Variants in KBTBD4 observed in about 807,000 individuals in gnomAD.
The protein encoded by KBTBD4 is kelch repeat and BTB domain containing 4.
Under a neutral mutation model 43.9 loss-of-function variants are expected in KBTBD4, and 30 were observed. The ratio of observed to expected loss-of-function variants is 0.68; its 90% CI spans 0.51 to 0.93. The LOEUF (loss-of-function observed/expected upper bound fraction) is 0.93. Ranked by LOEUF, KBTBD4 falls within the 40% of genes least tolerant of loss-of-function variation. The probability of loss-of-function intolerance (pLI) is 0.00; values close to 1 mark genes in which losing one functional copy is unlikely to be tolerated. For missense variants in KBTBD4, 575 were observed against 668.8 expected, an observed-to-expected ratio of 0.86 and a Z score of 1.55; for synonymous variants, 258 against 256.9, an observed-to-expected ratio of 1.00 and a Z score of -0.04.
chr11:47,572,871 C>CT lies in KBTBD4; in HGVS notation c.*58dup. 1 of 1,553,096 alleles carries CT rather than the reference C, an allele frequency of 6.4e-7. No individual in the cohort carries two copies. Among genetic ancestry groups the CT allele is most frequent in the Non-Finnish European group, 8.7e-7 (1 of 1,147,418 alleles). ...TAACTCTGAATTGGGGCCCAGGGGA[C>CT]TTTGAGTTTGTATGGGGAGGGAAAA... On this transcript the variant is annotated 3_prime_UTR_variant, in exon 4 of 4. Coordinates refer to ENST00000430070, the MANE Select transcript of KBTBD4 (RefSeq NM_018095.6).
At chr11:47,576,003 C>T (rs1320311998) in intron 2 of KBTBD4, among the ~76,000 whole-genome samples, 1 of 151,756 alleles carries the variant, frequency 6.6e-6, no homozygotes, top group Non-Finnish European at 1.5e-5. Flanking sequence ...CAGGTGTGCA[C>T]CACCACGCCT....
At position 47,573,614 on chromosome 11, in the gene KBTBD4, T is replaced by G. The variant is rs1359123957; in HGVS notation, c.921A>C (p.Gly307=). The G allele has an allele frequency of 1.2e-6, 2 of 1,613,924 alleles. No individual in the cohort carries two copies. Among genetic ancestry groups the G allele is most frequent in the Non-Finnish European group, 1.7e-6 (2 of 1,180,018 alleles). The change falls in exon 4 of 4, where the codon GGA becomes GGC. Residue 307 remains glycine, a synonymous_variant. Coordinates refer to ENST00000430070, the MANE Select transcript of KBTBD4 (RefSeq NM_018095.6). This position sits in a 1 kb window ranked among gnomAD's most constrained non-coding sequence, Gnocchi z 4.1. The part of the protein sequence containing the change: ...CKHGGDLYVV[G]GSIPRRMWKC... ...TCCACATGCGCCGTGGGATGGACCC[T>G]CCCACCACATACAAGTCTCCACCAT...
chr11:47,577,731 T>A lies in KBTBD4; in HGVS notation c.317A>T (p.Asp106Val). 6.2e-7 allele frequency: 1 copy of A among 1,614,172 alleles called. No homozygotes were observed. The highest frequency in any genetic ancestry group is 8.5e-7 in the Non-Finnish European group (1 of 1,180,034). The change falls in exon 2 of 4, where the codon GAT (aspartate) becomes GTT (valine). Residue 106 changes from aspartate to valine, a missense_variant. Coordinates refer to ENST00000430070, the MANE Select transcript of KBTBD4 (RefSeq NM_018095.6). ...EAHNRVIVLQ[D>V]VSESVFQLLV... ...GAGCTGGAAAACAGACTCGCTGACA[T>A]CCTGCAGCACAATCACCCGGTTGTG... is the stretch of plus-strand genomic sequence containing the variant.
In KBTBD4 at chr11:47,575,624, G is replaced by C. The variant is rs1228585017; in HGVS notation, c.713C>G (p.Ala238Gly). Residue 238 changes from alanine (A) to glycine (G), a missense_variant, in exon 3 of 4, where the codon GCT (alanine) becomes GGT (glycine). By Grantham distance (60) the Ala-to-Gly change is moderately conservative. Transcript: ENST00000430070. ...GCTTGTCCTGAGTGACTCTGCAAAA[G>C]CCTCTCTTTCCTCTTTATTAAAGTT... ...WINFNKEERE[A>G]FAESLRTSLK... The C allele has an allele frequency of 1.2e-6, 2 of 1,613,110 alleles. No homozygotes were observed. Among genetic ancestry groups the C allele is most frequent in the African/African-American group, 1.3e-5 (1 of 74,820 alleles).
At position 47,577,794 on chromosome 11, in the gene KBTBD4, A is replaced by C. The variant is rs201795704; in HGVS notation, c.254T>G (p.Phe85Cys). 1.3e-5 allele frequency: 21 copies of C among 1,614,196 alleles called. No homozygotes were observed. Among genetic ancestry groups the C allele is most frequent in the Admixed American group, 3.3e-5 (2 of 60,022 alleles). ...HRLVLSAQSCFFRSMFTSNLK... is the reference protein window; with the variant it reads ...HRLVLSAQSCCFRSMFTSNLK... ...GTTGGAAGTGAACATGGATCGGAAGAAGCAGCTCTGAGCTGAGAGGACCAG... is the reference window on the plus strand; with the variant it reads ...GTTGGAAGTGAACATGGATCGGAAGCAGCAGCTCTGAGCTGAGAGGACCAG... The change falls in exon 2 of 4, where the codon TTC (phenylalanine) becomes TGC (cysteine). Residue 85 changes from phenylalanine (F) to cysteine (C), a missense_variant. Coordinates refer to ENST00000430070, the MANE Select transcript of KBTBD4 (RefSeq NM_018095.6).
rs1302892977 is a variant in KBTBD4, at chr11:47,573,911, A to T, written c.745-121T>A. 1 of 903,544 alleles carries T rather than the reference A, an allele frequency of 1.1e-6. No individual in the cohort carries two copies. The highest frequency in any genetic ancestry group is 1.7e-6 in the Non-Finnish European group (1 of 598,326). 56.0% of individuals were successfully genotyped at this position (903,544 alleles called of 1,614,324 possible). A position where few individuals can be genotyped will look rare whatever the true frequency, so the allele number is the denominator to read the frequency against. On this transcript the variant is annotated intron_variant, in intron 3 of 3. Transcript: ENST00000430070. The surrounding 1 kb of genome is among the most constrained non-coding windows in gnomAD (Gnocchi z 4.1). ...TCCTAGCTTTATCATACTACTCTCT[A>T]ATTACTGTATGGCATCCAACTCTCC...
At position 47,578,937 on chromosome 11, in the gene KBTBD4, G is replaced by C. The variant is rs765565272; in HGVS notation, c.15C>G (p.Asn5Lys). Residue 5 changes from asparagine (N) to lysine (K), a missense_variant, in exon 1 of 4, where the codon AAC (asparagine) becomes AAG (lysine). Transcript: ENST00000430070. ...CTGCCTGTCTCGCTTTCTCACCTGC[G>C]TTCCCTCCTTTCATCCCGGAGCCCG... MKGG[N>K]ADSWQREKLA... The C allele has an allele frequency of 2.6e-6, 4 of 1,551,756 alleles. No homozygotes were observed. Among genetic ancestry groups the C allele is most frequent in the East Asian group, 2.4e-5 (1 of 40,920 alleles).
In KBTBD4 at chr11:47,577,897, T is replaced by G; in HGVS notation, c.151A>C (p.Met51Leu). ...AGCTCCTCCTCTAGACACAGTTTCATGATGCCTTGAGCCACACGGCCTGAA... is the reference window on the plus strand; with the variant it reads ...AGCTCCTCCTCTAGACACAGTTTCAGGATGCCTTGAGCCACACGGCCTGAA... ...SHSGRVAQGI[M>L]KLCLEEELFA... is the part of the protein sequence containing the mutation. Residue 51 changes from methionine to leucine, a missense_variant, in exon 2 of 4, where the codon ATG becomes CTG. By Grantham distance (15) the Met-to-Leu change is conservative. Transcript: ENST00000430070. 6.2e-7 allele frequency: 1 copy of G among 1,614,222 alleles called. No individual in the cohort carries two copies. The highest frequency in any genetic ancestry group is 8.5e-7 in the Non-Finnish European group (1 of 1,180,042).
rs557778923 is a variant in KBTBD4, at chr11:47,572,851, C to T, written c.*79G>A. 4.1e-6 allele frequency: 6 copies of T among 1,475,942 alleles called. No individual in the cohort carries two copies. In the Admixed American group the frequency reaches 1.3e-4, roughly 31 times the overall value. The allele number at this position is 1,475,942 out of a possible 1,614,324, so 91.4% of individuals were successfully genotyped here. ...AGTATGTGCCAAAAAAAACATAACT[C>T]TGAATTGGGGCCCAGGGGACTTTGA... On this transcript the variant is annotated 3_prime_UTR_variant, in exon 4 of 4. Coordinates refer to ENST00000430070, the MANE Select transcript of KBTBD4 (RefSeq NM_018095.6).
Position 47,573,717 on chromosome 11 carries a change from A to G in KBTBD4, c.818T>C (p.Leu273Ser), listed in dbSNP as rs965703669. The G allele has an allele frequency of 1.9e-6, 3 of 1,603,734 alleles. No homozygotes were observed. Among genetic ancestry groups the G allele is most frequent in the Non-Finnish European group, 2.5e-6 (3 of 1,177,790 alleles). The change falls in exon 4 of 4, where the codon TTG becomes TCG. Residue 273 changes from leucine (L) to serine (S), a missense_variant. Coordinates refer to ENST00000430070, the MANE Select transcript of KBTBD4 (RefSeq NM_018095.6). This position sits in a 1 kb window ranked among gnomAD's most constrained non-coding sequence, Gnocchi z 4.1. ...SSRTHSLAVS[L>S]HCAEDDSISV... ...GATGGAGTCATCTTCTGCACAGTGC[A>G]AGGACACAGCCAACGAGTGGGTACG...
At chr11:47,578,426 G>C in intron 1 of KBTBD4, 1 of 569,070 alleles carries the variant, frequency 1.8e-6, no homozygotes, top group Non-Finnish European at 3.1e-6. Context: ...AGGGGCAGTA[G>C]AATCAGACAA....
In KBTBD4 at chr11:47,572,942, A is replaced by G; in HGVS notation, c.1593T>C (p.Phe531=). ...CCTCCCCACAGCCTTAGGCCAACAC[A>G]AACTGCAAATTGGTAAGCAGCACCT... The part of the protein sequence containing the change: ...GIKVLLTNLQ[F]VLA Residue 531 remains phenylalanine, a synonymous_variant, in exon 4 of 4, where the codon TTT becomes TTC. Coordinates refer to ENST00000430070, the MANE Select transcript of KBTBD4 (RefSeq NM_018095.6). The G allele has an allele frequency of 6.2e-7, 1 of 1,613,562 alleles. No individual in the cohort carries two copies. Among genetic ancestry groups the G allele is most frequent in the Non-Finnish European group, 8.5e-7 (1 of 1,179,576 alleles).
rs1202140915 is a variant in KBTBD4 at position 47,572,782 on chromosome 11, A to G, written c.*148T>C. On this transcript the variant is annotated 3_prime_UTR_variant, in exon 4 of 4. Coordinates refer to ENST00000430070, the MANE Select transcript of KBTBD4 (RefSeq NM_018095.6). Reference sequence around the variant, plus strand: ...CAGCAGTCTAAAAAGCCCCAAACAGAACACCTCCATGGATTCAGGGAAGGG... The same window carrying G: ...CAGCAGTCTAAAAAGCCCCAAACAGGACACCTCCATGGATTCAGGGAAGGG... 1.2e-6 allele frequency: 1 copy of G among 830,734 alleles called. No individual in the cohort carries two copies. Among genetic ancestry groups the G allele is most frequent in the Admixed American group, 2.9e-5 (1 of 34,462 alleles). 51.5% of individuals were successfully genotyped at this position (830,734 alleles called of 1,614,324 possible). A position where few individuals can be genotyped will look rare whatever the true frequency, so the allele number is the denominator to read the frequency against.
rs368260283 is a variant in KBTBD4 at position 47,577,840 on chromosome 11, G to C, written c.208C>G (p.Arg70Gly). ...ACCAGCCGATGGAGCTGAAACTCCCGGCCTTCCACCGAAATGGTGACATCA... is the reference window on the plus strand; with the variant it reads ...ACCAGCCGATGGAGCTGAAACTCCCCGCCTTCCACCGAAATGGTGACATCA... ...FADVTISVEG[R>G]EFQLHRLVLS... The change falls in exon 2 of 4, where the codon CGG becomes GGG. Residue 70 changes from arginine (R) to glycine (G), a missense_variant. By Grantham distance (125) the Arg-to-Gly change is moderately radical. Coordinates refer to ENST00000430070, the MANE Select transcript of KBTBD4 (RefSeq NM_018095.6). 4 of 1,613,996 alleles carry C rather than the reference G, an allele frequency of 2.5e-6. No individual in the cohort carries two copies. Among genetic ancestry groups the C allele is most frequent in the Non-Finnish European group, 2.5e-6 (3 of 1,180,030 alleles).
chr11:47,573,981 G>C lies in KBTBD4; in HGVS notation c.745-191C>G, dbSNP rs556564640. Among the ~76,000 whole-genome samples, 2 of 152,216 alleles carry C rather than the reference G, an allele frequency of 1.3e-5. No homozygotes were observed. Among genetic ancestry groups the C allele is most frequent in the South Asian group, 4.1e-4 (2 of 4,820 alleles). On this transcript the variant is annotated intron_variant, in intron 3 of 3. Coordinates refer to ENST00000430070, the MANE Select transcript of KBTBD4 (RefSeq NM_018095.6). This position sits in a 1 kb window ranked among gnomAD's most constrained non-coding sequence, Gnocchi z 4.1. Reference sequence around the variant, plus strand: ...GCAATTTATGCCGGGCGGAGAATCTGTTGTATTCATCCTTGTAGCTTTTAA... The same window carrying C: ...GCAATTTATGCCGGGCGGAGAATCTCTTGTATTCATCCTTGTAGCTTTTAA...
intron 3 of KBTBD4, among the ~76,000 whole-genome samples, chr11:47,574,865 G>T (rs1422393605): frequency 1.1e-5 from 1 of 88,202 alleles, no homozygotes; most frequent in Non-Finnish European, 2.3e-5. Context: ...TCTCTCTCTA[G>T]CCTGGGCAAC....
chr11:47,576,721 G>A (rs1011305684), intron 2 of KBTBD4: 1 of 147,166 alleles, frequency 6.8e-6, no homozygotes, highest in African/African-American at 2.5e-5. Context: ...CTGTCGCCCA[G>A]GCTGGAGTGC....
chr11:47,577,982 C>T lies in KBTBD4; in HGVS notation c.66G>A (p.Glu22=), dbSNP rs756893187. 10 of 1,614,210 alleles carry T rather than the reference C, an allele frequency of 6.2e-6. No individual in the cohort carries two copies. The highest frequency in any genetic ancestry group is 4.5e-5 in the East Asian group (2 of 44,886). ...AGTTCTCATCCATGGATGCTCCAGG[C>T]TCCTCTGGTGATTCCATGCTAGCCA... is the stretch of plus-strand genomic sequence containing the variant. The part of the protein sequence containing the change: ...EKLASMESPE[E]PGASMDENYF... The change falls in exon 2 of 4, where the codon GAG becomes GAA. Residue 22 remains glutamate (E), a synonymous_variant. Coordinates refer to ENST00000430070, the MANE Select transcript of KBTBD4 (RefSeq NM_018095.6).
At chr11:47,578,294 T>C in intron 1 of KBTBD4, 1 of 584,938 alleles carries the variant, frequency 1.7e-6, no homozygotes. Flanking sequence ...ATAATTCCTT[T>C]CCATAATGTT....
Sources: allele counts gnomAD v4.1 joint callset (sites outside exome capture counted in the v4.1 genomes callset), GRCh38; gene constraint gnomAD v4.1.1; non-coding constraint Gnocchi (gnomAD v3.1); transcripts MANE v1.5; gene names NCBI Gene and HGNC (gene_info 2026-07-23, HGNC 2026-07-21).